TXLNB: variants seen among roughly 807,000 people sequenced by gnomAD.
The protein encoded by TXLNB is beta-taxilin.
TXLNB carries 37 observed loss-of-function variants against 57.4 expected under a neutral mutation model. That is an observed-to-expected ratio of 0.64 (90% CI 0.50 to 0.85). TXLNB has a LOEUF of 0.85. Among genes scored for constraint, TXLNB ranks in the 40% least tolerant of loss-of-function variants. The pLI, the probability that TXLNB is intolerant of heterozygous loss-of-function variation, is 0.00. For missense variants in TXLNB, 848 were observed against 825.6 expected, an observed-to-expected ratio of 1.03 and a Z score of -0.33; for synonymous variants, 302 against 309.6, an observed-to-expected ratio of 0.98 and a Z score of 0.26.
the TXLNB span, among the ~76,000 whole-genome samples, chr6:139,314,448 A>G: frequency 6.6e-6 from 1 of 152,216 alleles, no homozygotes; most frequent in South Asian, 2.1e-4. Context: ...TGTATGACCT[A>G]TAAGCTCCTG....
chr6:139,304,953 A>G, the TXLNB span, among the ~76,000 whole-genome samples: 1 of 152,202 alleles, frequency 6.6e-6, no homozygotes, highest in African/African-American at 2.4e-5. Flanking sequence ...TTTTGTGTGT[A>G]AATCTTGTTT....
In TXLNB at chr6:139,242,263, T is replaced by C. The variant is rs994265921; in HGVS notation, c.*263A>G. 1.2e-5 allele frequency: 4 copies of C among 320,998 alleles called. No homozygotes were observed. The Admixed American group carries it at 2.0e-4, about 16-fold the overall frequency. The allele number at this position is 320,998 out of a possible 1,614,324, so 19.9% of individuals were successfully genotyped here. A position where few individuals can be genotyped will look rare whatever the true frequency, so the allele number is the denominator to read the frequency against. On this transcript the variant is annotated 3_prime_UTR_variant, in exon 10 of 10. Transcript: ENST00000358430. ...GTATTATCTTAACAGAAAAGGAATA[T>C]AAATTTGCTATCTGTATGTTTTGTT...
chr6:139,311,489 T>G, the TXLNB span, among the ~76,000 whole-genome samples: 1 of 148,120 alleles, frequency 6.8e-6, no homozygotes, highest in Admixed American at 6.8e-5. Flanking sequence ...GAGACTTTAC[T>G]TTGTGATATT....
At chr6:139,167,170 C>G in the TXLNB span, 1 of 1,614,190 alleles carries the variant, frequency 6.2e-7, no homozygotes, top group Non-Finnish European at 8.5e-7. Context: ...TCATTCTGGC[C>G]GCGCTCAGTG....
intron 7 of TXLNB, among the ~76,000 whole-genome samples, chr6:139,249,795 C>T (rs1776151065): frequency 6.6e-6 from 1 of 152,098 alleles, no homozygotes; most frequent in Admixed American, 6.5e-5. Context: ...CAAATGACAG[C>T]TGATTATCAT....
intron 8 of TXLNB, among the ~76,000 whole-genome samples, chr6:139,246,775 ATGG>A (rs1490744999): frequency 6.6e-6 from 1 of 151,952 alleles, no homozygotes; most frequent in African/African-American, 2.4e-5. Flanking sequence ...TTAACCGGAC[ATGG>A]TGGTGCATGC....
chr6:139,261,038 A>G (rs1457965954), intron 5 of TXLNB, among the ~76,000 whole-genome samples: 1 of 152,132 alleles, frequency 6.6e-6, no homozygotes, highest in Non-Finnish European at 1.5e-5. Flanking sequence ...TTGAGTCGCA[A>G]ATGTGCAGAG....
chr6:139,161,596 C>A, the TXLNB span, among the ~76,000 whole-genome samples: 1 of 152,196 alleles, frequency 6.6e-6, no homozygotes, highest in Non-Finnish European at 1.5e-5. Flanking sequence ...ATATTTGCTG[C>A]TTTTTGAAAA....
At chr6:139,224,161 T>C in the TXLNB span, among the ~76,000 whole-genome samples, 3 of 150,038 alleles carry the variant, frequency 2.0e-5, no homozygotes, top group African/African-American at 4.9e-5. Flanking sequence ...ATGGATGAAA[T>C]TGGAAATCAT....
chr6:139,270,003 T>C (rs912269876), intron 4 of TXLNB, among the ~76,000 whole-genome samples: 1 of 152,230 alleles, frequency 6.6e-6, no homozygotes, highest in African/African-American at 2.4e-5. Flanking sequence ...TCAATCTCAC[T>C]TCACTGTGTC....
downstream of TXLNB, chr6:139,239,763 C>G (rs1775881540): frequency 1.3e-5 from 2 of 152,170 alleles, no homozygotes; most frequent in African/African-American, 4.8e-5. The surrounding 1 kb of genome is among the most constrained non-coding windows in gnomAD (Gnocchi z 4.7). Flanking sequence ...TTCCAAAGTG[C>G]TGGGATTATA....
the TXLNB span, among the ~76,000 whole-genome samples, chr6:139,205,969 G>A: frequency 6.6e-6 from 1 of 152,204 alleles, no homozygotes; most frequent in African/African-American, 2.4e-5. Context: ...CAGATTAACA[G>A]CAGATTCCTC....
intron 4 of TXLNB, among the ~76,000 whole-genome samples, chr6:139,263,480 TTAAG>T (rs1776537602): frequency 6.6e-6 from 1 of 152,226 alleles, no homozygotes; most frequent in Admixed American, 6.5e-5. Flanking sequence ...GAAAGCAATA[TTAAG>T]TTTCAAATCT....
the TXLNB span, chr6:139,167,226 T>G: frequency 6.2e-7 from 1 of 1,614,020 alleles, no homozygotes; most frequent in Admixed American, 1.7e-5. Context: ...CACCGGGCGC[T>G]CCCGGTGTTC....
the TXLNB span, among the ~76,000 whole-genome samples, chr6:139,199,062 G>A: frequency 6.7e-6 from 1 of 150,232 alleles, no homozygotes; most frequent in Non-Finnish European, 1.5e-5. Flanking sequence ...TCATATTTAG[G>A]TTTCCTGCTG....
the TXLNB span, among the ~76,000 whole-genome samples, chr6:139,221,797 A>G: frequency 6.6e-6 from 1 of 152,232 alleles, no homozygotes; most frequent in Non-Finnish European, 1.5e-5. Flanking sequence ...GAATGATCAT[A>G]AACTGGATGA....
At chr6:139,309,395 A>G in the TXLNB span, among the ~76,000 whole-genome samples, 3 of 152,230 alleles carry the variant, frequency 2.0e-5, no homozygotes, top group African/African-American at 4.8e-5. Context: ...GATCTTGCGT[A>G]CACACACAAA....
chr6:139,290,562 A>G (rs115972952), intron 1 of TXLNB, among the ~76,000 whole-genome samples: 2,976 of 152,308 alleles, frequency 0.02, 106 homozygotes, highest in East Asian at 0.065. Flanking sequence ...GCAATGTTTC[A>G]TAAACAAGGA....
chr6:139,312,717 C>T, the TXLNB span, among the ~76,000 whole-genome samples: 4 of 152,156 alleles, frequency 2.6e-5, no homozygotes, highest in South Asian at 2.1e-4. Context: ...ATATAGCATA[C>T]GCAGGAGAAG....
Sources: gnomAD v4.1 joint callset for allele counts (sites outside exome capture counted in the v4.1 genomes callset) on GRCh38, gnomAD v4.1.1 for gene constraint, Gnocchi (gnomAD v3.1) non-coding constraint, MANE v1.5 for transcripts, NCBI Gene and HGNC (gene_info 2026-07-23, HGNC 2026-07-21) for gene names.